Variants in USP24 observed in about 807,000 individuals in gnomAD.
USP24 encodes the protein ubiquitin carboxyl-terminal hydrolase 24.
USP24 carries 97 observed loss-of-function variants against 361.6 expected under a neutral mutation model. The ratio of observed to expected loss-of-function variants is 0.27; its 90% CI spans 0.23 to 0.32. The LOEUF (loss-of-function observed/expected upper bound fraction) is 0.32. Ranked by LOEUF, USP24 falls within the 10% of genes least tolerant of loss-of-function variation. USP24 has a pLI of 1.00. For synonymous variants in USP24, 1,098 were observed against 1,124.6 expected (o/e 0.98, Z 0.47); for missense variants, 2,353 against 3,165.6 (o/e 0.74, Z 6.16).
At chr1:55,076,952 G>A (rs779985640) in intron 62 of USP24, among the ~76,000 whole-genome samples, 6 of 152,036 alleles carry the variant, frequency 3.9e-5, no homozygotes, top group Non-Finnish European at 5.9e-5. Context: ...GGCCCTGGCA[G>A]GGGTTAACCA....
At chr1:55,213,087 A>C (rs1644888499) in intron 1 of USP24, among the ~76,000 whole-genome samples, 1 of 152,230 alleles carries the variant, frequency 6.6e-6, no homozygotes, top group Non-Finnish European at 1.5e-5. Flanking sequence ...TCACATAATG[A>C]GGATACACTG....
In USP24 at chr1:55,125,492, T is replaced by C; in HGVS notation, c.3788A>G (p.Asp1263Gly). Residue 1263 changes from aspartate (D) to glycine (G), a missense_variant, in exon 34 of 68, where the codon GAT becomes GGT. Physicochemically the swap from Asp to Gly is moderately conservative, Grantham distance 94 (BLOSUM62 -1). Around this residue, in one of 8 missense-constraint regions of USP24, gnomAD observed 949 missense variants for 1,280.5 expected, o/e 0.74. Transcript: ENST00000294383. Reference sequence around the variant, plus strand: ...GCGGGAAGAAAGTGCTTCTATACCATCTTTGGTGAGGTCTTCATCTAATAA... The same window carrying C: ...GCGGGAAGAAAGTGCTTCTATACCACCTTTGGTGAGGTCTTCATCTAATAA... Reference protein sequence around the residue: ...PTLLDEDLTKDGIEALSSRPF... With the variant: ...PTLLDEDLTKGGIEALSSRPF... 1.2e-6 allele frequency: 2 copies of C among 1,613,990 alleles called. No individual in the cohort carries two copies. Among genetic ancestry groups the C allele is most frequent in the South Asian group, 2.2e-5 (2 of 91,072 alleles).
chr1:55,189,383 A>C (rs1644227142), intron 1 of USP24, among the ~76,000 whole-genome samples: 1 of 152,240 alleles, frequency 6.6e-6, no homozygotes, highest in Non-Finnish European at 1.5e-5. Context: ...GAATGAACAT[A>C]GTGAGTTGAA....
chr1:55,106,248 T>G lies in USP24; in HGVS notation c.4778A>C (p.Lys1593Thr). 1 of 1,610,528 alleles carries G rather than the reference T, an allele frequency of 6.2e-7. No individual in the cohort carries two copies. The highest frequency in any genetic ancestry group is 8.5e-7 in the Non-Finnish European group (1 of 1,176,776). ...GAAAAGGAAGTCATCTAACAATGGT[T>G]TAATGAGTGATGAACCTGGAATAGA... Reference protein sequence around the residue: ...EKEMLGSSLIKPLLDDFLFRA... With the variant: ...EKEMLGSSLITPLLDDFLFRA... The change falls in exon 41 of 68, where the codon AAA (lysine) becomes ACA (threonine). Residue 1593 changes from lysine (K) to threonine (T), a missense_variant. By Grantham distance (78) the Lys-to-Thr change is moderately conservative. This residue lies in a region of USP24 where 949 missense variants were observed against 1,280.5 expected (regional missense o/e 0.74). Coordinates refer to ENST00000294383, the MANE Select transcript of USP24 (RefSeq NM_015306.3).
At chr1:55,096,018 A>T (rs781007064) in intron 50 of USP24, among the ~76,000 whole-genome samples, 11 of 151,918 alleles carry the variant, frequency 7.2e-5, no homozygotes, top group Non-Finnish European at 1.3e-4. Context: ...TTCTCCTCAT[A>T]CTCTTTTTTC....
At chr1:55,182,646 C>A (rs936545141) in intron 1 of USP24, among the ~76,000 whole-genome samples, 2 of 152,144 alleles carry the variant, frequency 1.3e-5, no homozygotes, top group Admixed American at 6.5e-5. Context: ...GCACAATTCT[C>A]ACTTCTTTGA....
At position 55,069,022 on chromosome 1, in the gene USP24, CCT is replaced by C; in HGVS notation, c.*21_*22del. Reference sequence around the variant, plus strand: ...GAGCATCCAGTATTGTGTCTTGACTCCTCTCAGGCTGGGCATGTTCCTCTAGG... The same window carrying C: ...GAGCATCCAGTATTGTGTCTTGACTCCTCAGGCTGGGCATGTTCCTCTAGG... On this transcript the variant is annotated 3_prime_UTR_variant, in exon 68 of 68. Coordinates refer to ENST00000294383, the MANE Select transcript of USP24 (RefSeq NM_015306.3). The C allele has an allele frequency of 6.2e-7, 1 of 1,613,602 alleles. No individual in the cohort carries two copies.
rs112282583 is a variant in USP24 at position 55,078,946 on chromosome 1, CAAA to C, written c.7201-298_7201-296del. Among the ~76,000 whole-genome samples the C allele has an allele frequency of 8.6e-3, 593 of 68,946 alleles. 9 individuals are homozygous for C. Among genetic ancestry groups the C allele is most frequent in the African/African-American group, 0.023 (545 of 23,660 alleles). 45.2% of individuals were successfully genotyped at this position (68,946 alleles called of 152,430 possible). ...ACCAACAGATCCAAAAAATATTAAGCAAAAAAAAAAAAAAAAGATATGTATTAA... is the reference window on the plus strand; with the variant it reads ...ACCAACAGATCCAAAAAATATTAAGCAAAAAAAAAAAAAGATATGTATTAA... On this transcript the variant is annotated intron_variant, in intron 60 of 67. Transcript: ENST00000294383.
intron 7 of USP24, among the ~76,000 whole-genome samples, chr1:55,163,013 A>C (rs1648454950): frequency 6.6e-6 from 1 of 152,130 alleles, no homozygotes; most frequent in South Asian, 2.1e-4. Context: ...GATATTATTA[A>C]GCCAGCAACT....
At chr1:55,117,845 C>T (rs574484390) in intron 38 of USP24, among the ~76,000 whole-genome samples, 3 of 150,268 alleles carry the variant, frequency 2.0e-5, no homozygotes, top group Admixed American at 6.6e-5. Flanking sequence ...GTGTTTCTTA[C>T]ACTAACAATG....
chr1:55,111,887 G>T (rs1269278288), intron 38 of USP24, among the ~76,000 whole-genome samples: 4 of 152,020 alleles, frequency 2.6e-5, no homozygotes, highest in African/African-American at 9.7e-5. Context: ...GGATACAGGG[G>T]CCAGAAATCT....
chr1:55,215,091 T>G lies in USP24; in HGVS notation c.23A>C (p.His8Pro), dbSNP rs376590533. MESEEEQ[H>P]MTTLLCMGFS... ...GCCCATGCACAGCAGCGTGGTCATG[T>G]GCTGCTCCTCCTCCGATTCCATGGC... The change falls in exon 1 of 68, where the codon CAC becomes CCC. Residue 8 changes from histidine (H) to proline (P), a missense_variant. Transcript: ENST00000294383. 3 of 1,331,642 alleles carry G rather than the reference T, an allele frequency of 2.3e-6. No individual in the cohort carries two copies. The highest frequency in any genetic ancestry group is 2.7e-5 in the Admixed American group (1 of 36,376). 82.5% of individuals were successfully genotyped at this position (1,331,642 alleles called of 1,614,324 possible).
intron 1 of USP24, among the ~76,000 whole-genome samples, chr1:55,213,277 C>G (rs1334434960): frequency 6.6e-6 from 1 of 152,092 alleles, no homozygotes; most frequent in Non-Finnish European, 1.5e-5. Context: ...AAAAAATTCC[C>G]AAACTAGGAA....
intron 38 of USP24, among the ~76,000 whole-genome samples, chr1:55,119,971 T>C (rs1035563146): frequency 6.6e-6 from 1 of 152,198 alleles, no homozygotes; most frequent in African/African-American, 2.4e-5. Context: ...CAAATCTCCA[T>C]GACACTTTAT....
Position 55,154,875 on chromosome 1 carries a change from A to G in USP24, c.1447-97T>C, listed in dbSNP as rs898427005. On this transcript the variant is annotated intron_variant, in intron 12 of 67. Coordinates refer to ENST00000294383, the MANE Select transcript of USP24 (RefSeq NM_015306.3). ...TTACAGAAGCACAAGCAAAAATATA[A>G]CAAAGACAAATTGACTCTAGTGTAA... 19 of 836,164 alleles carry G rather than the reference A, an allele frequency of 2.3e-5. No individual in the cohort carries two copies. The African/African-American group carries it at 3.3e-4, about 14-fold the overall frequency. 51.8% of individuals were successfully genotyped at this position (836,164 alleles called of 1,614,324 possible).
chr1:55,175,347 C>T (rs1649872646), intron 3 of USP24, among the ~76,000 whole-genome samples: 1 of 151,470 alleles, frequency 6.6e-6, no homozygotes, highest in South Asian at 2.1e-4. Context: ...CTGCCTCAGC[C>T]TCCTGCGTAG....
At chr1:55,104,430 GAATA>G (rs1645719366) in intron 41 of USP24, among the ~76,000 whole-genome samples, 1 of 152,070 alleles carries the variant, frequency 6.6e-6, no homozygotes, top group African/African-American at 2.4e-5. Context: ...GTAAAACCCA[GAATA>G]GATAGCCATA....
At chr1:55,106,983 A>G (rs1057431379) in intron 40 of USP24, among the ~76,000 whole-genome samples, 2 of 152,200 alleles carry the variant, frequency 1.3e-5, no homozygotes, top group Non-Finnish European at 1.5e-5. Flanking sequence ...TTTGAATTAT[A>G]ATTCTTACTT....
intron 45 of USP24, 128 bp from the exon 46 acceptor site, chr1:55,098,686 G>T: frequency 1.4e-6 from 1 of 695,340 alleles, no homozygotes; most frequent in Non-Finnish European, 2.6e-6. Context: ...CAGCTGTGGT[G>T]AATGGAGGCT....
Sources: gnomAD v4.1 joint callset for allele counts (sites outside exome capture counted in the v4.1 genomes callset) on GRCh38, gnomAD v4.1.1 for gene constraint, gnomAD v4.1.1 regional missense constraint, MANE v1.5 for transcripts, NCBI Gene and HGNC (gene_info 2026-07-23, HGNC 2026-07-21) for gene names.